Variants in ADK observed in about 807,000 individuals in gnomAD.
The protein encoded by ADK is N6,N6-dimethyladenosine kinase.
A neutral mutation model predicts 44.7 loss-of-function variants in ADK; 24 were observed. That is an observed-to-expected ratio of 0.54 (90% CI 0.39 to 0.76). The LOEUF (loss-of-function observed/expected upper bound fraction) is 0.76, where lower values mean the gene tolerates loss of function less well. Ranked by LOEUF, ADK falls within the 30% of genes least tolerant of loss-of-function variation. ADK has a pLI of 0.00. For synonymous variants in ADK, 128 were observed against 142.6 expected (o/e 0.90, Z 0.73); for missense variants, 321 against 425.1 (o/e 0.76, Z 2.15).
chr10:74,377,056 G>C (rs772110037), intron 4 of ADK, among the ~76,000 whole-genome samples: 20 of 152,174 alleles, frequency 1.3e-4, no homozygotes, highest in Admixed American at 2.6e-4. Flanking sequence ...ATATGTTCAG[G>C]TGTAGGTTTT....
intron 3 of ADK, among the ~76,000 whole-genome samples, chr10:74,305,517 C>G (rs1840214558): frequency 6.6e-6 from 1 of 152,040 alleles, no homozygotes; most frequent in Non-Finnish European, 1.5e-5. Context: ...TTTTTTCTGA[C>G]AGGTGGCTGT....
At chr10:74,480,226 C>CTTTCTTTCTTTCTTTCT (rs1554865927) in intron 6 of ADK, among the ~76,000 whole-genome samples, 1 of 133,122 alleles carries the variant, frequency 7.5e-6, no homozygotes, top group African/African-American at 3.2e-5. Flanking sequence ...TTCTTTCTTT[C>CTTTCTTTCTTTCTTTCT]TTTTTTTTTT....
At chr10:74,323,403 C>A (rs375930901) in intron 4 of ADK, among the ~76,000 whole-genome samples, 2 of 152,064 alleles carry the variant, frequency 1.3e-5, no homozygotes, top group Non-Finnish European at 2.9e-5. Context: ...TTCTGACTTA[C>A]GTTCGAATTA....
intron 7 of ADK, among the ~76,000 whole-genome samples, chr10:74,564,995 G>A (rs1850601569): frequency 6.6e-6 from 1 of 152,098 alleles, no homozygotes; most frequent in South Asian, 2.1e-4. Flanking sequence ...AGCTTTCTGT[G>A]TTGGATATTT....
At chr10:74,306,568 A>G (rs998232332) in intron 3 of ADK, among the ~76,000 whole-genome samples, 10 of 152,156 alleles carry the variant, frequency 6.6e-5, no homozygotes, top group Non-Finnish European at 1.5e-4. Flanking sequence ...ATTATTATTT[A>G]CCAACACTTT....
intron 7 of ADK, among the ~76,000 whole-genome samples, chr10:74,552,488 G>A (rs191606572): frequency 9.7e-4 from 148 of 152,226 alleles, no homozygotes; most frequent in African/African-American, 3.4e-3. Context: ...GTATCTTTTG[G>A]GGGTGATGTA....
At chr10:74,348,291 CAG>C (rs1302481899) in intron 4 of ADK, among the ~76,000 whole-genome samples, 1 of 152,168 alleles carries the variant, frequency 6.6e-6, no homozygotes, top group Admixed American at 6.5e-5. Context: ...CTCAGGCAAA[CAG>C]GGTCTGGAGT....
At chr10:74,624,463 A>T in intron 9 of ADK, among the ~76,000 whole-genome samples, 1 of 152,226 alleles carries the variant, frequency 6.6e-6, no homozygotes, top group East Asian at 1.9e-4. Flanking sequence ...ATAATTTGGC[A>T]CTTAGCCATC....
chr10:74,491,139 A>C (rs1189250468), intron 6 of ADK, among the ~76,000 whole-genome samples: 2 of 152,142 alleles, frequency 1.3e-5, no homozygotes, highest in African/African-American at 4.8e-5. Context: ...TGGACACACA[A>C]AAAAACACTA....
At chr10:74,604,521 A>G (rs1156537736) in intron 9 of ADK, among the ~76,000 whole-genome samples, 1 of 152,018 alleles carries the variant, frequency 6.6e-6, no homozygotes, top group Non-Finnish European at 1.5e-5. Flanking sequence ...CTTTTCCCCC[A>G]TTGCTTGTTT....
intron 8 of ADK, among the ~76,000 whole-genome samples, chr10:74,597,134 A>G (rs1851953122): frequency 6.6e-6 from 1 of 152,258 alleles, no homozygotes; most frequent in Admixed American, 6.5e-5. Context: ...TTTAGAGAGT[A>G]TTAAAATGAG....
intron 6 of ADK, among the ~76,000 whole-genome samples, chr10:74,486,085 C>T (rs1288154929): frequency 1.3e-5 from 2 of 152,126 alleles, no homozygotes; most frequent in African/African-American, 4.8e-5. Flanking sequence ...ATAATCCCCA[C>T]GTGTCAAAGG....
chr10:74,391,674 C>T (rs1316703331), intron 4 of ADK, among the ~76,000 whole-genome samples: 2 of 151,070 alleles, frequency 1.3e-5, no homozygotes, highest in African/African-American at 2.4e-5. Flanking sequence ...CACACACACA[C>T]ACACACACAC....
chr10:74,372,227 T>G, intron 4 of ADK: 1 of 761,220 alleles, frequency 1.3e-6, no homozygotes, highest in Admixed American at 1.7e-5. Context: ...AATGGACTGC[T>G]CCAGCTCCTG....
At chr10:74,436,264 A>G (rs905281069) in intron 6 of ADK, among the ~76,000 whole-genome samples, 1 of 152,144 alleles carries the variant, frequency 6.6e-6, no homozygotes, top group Non-Finnish European at 1.5e-5. Context: ...AGATTAATAT[A>G]ATAAACTCTT....
At chr10:74,668,581 CA>C (rs1250837252) in intron 9 of ADK, among the ~76,000 whole-genome samples, 7 of 152,034 alleles carry the variant, frequency 4.6e-5, no homozygotes, top group Non-Finnish European at 1.5e-5. Flanking sequence ...ACTAAAAATA[CA>C]AAAATTAGCT....
intron 7 of ADK, among the ~76,000 whole-genome samples, chr10:74,572,003 A>G (rs1201284421): frequency 6.6e-6 from 1 of 152,160 alleles, no homozygotes; most frequent in African/African-American, 2.4e-5. Context: ...GCCCATTTAC[A>G]TTTAAGGTTA....
At chr10:74,193,414 C>A (rs973801079) in intron 1 of ADK, among the ~76,000 whole-genome samples, 2 of 152,260 alleles carry the variant, frequency 1.3e-5, no homozygotes, top group African/African-American at 4.8e-5. Context: ...CGCCTCCCCC[C>A]ACCCCAGTGT....
At chr10:74,216,843 G>A (rs1237319138) in intron 2 of ADK, among the ~76,000 whole-genome samples, 2 of 152,152 alleles carry the variant, frequency 1.3e-5, no homozygotes, top group African/African-American at 2.4e-5. Context: ...TTCACAATAG[G>A]TGAGGAGTAT....
Sources: gnomAD v4.1 joint callset for allele counts (sites outside exome capture counted in the v4.1 genomes callset) on GRCh38, gnomAD v4.1.1 for gene constraint, MANE v1.5 for transcripts, NCBI Gene and HGNC (gene_info 2026-07-23, HGNC 2026-07-21) for gene names.